MRPS9: variants seen among roughly 807,000 people sequenced by gnomAD.
MRPS9 encodes the protein small ribosomal subunit protein uS9m.
MRPS9 carries 45 observed loss-of-function variants against 59.9 expected under a neutral mutation model. The observed-to-expected ratio is 0.75, with a 90% CI of 0.59 to 0.96. The LOEUF is 0.96. Among genes scored for constraint, MRPS9 ranks in the 40% least tolerant of loss-of-function variants. MRPS9 has a pLI of 0.00. For synonymous variants in MRPS9, 171 were observed against 166.8 expected, an observed-to-expected ratio of 1.03 and a Z score of -0.19; for missense variants, 473 against 481.1, an observed-to-expected ratio of 0.98 and a Z score of 0.16.
chr2:105,067,770 G>A (rs972879267), intron 2 of MRPS9, among the ~76,000 whole-genome samples: 5 of 149,372 alleles, frequency 3.3e-5, no homozygotes, highest in African/African-American at 1.3e-4. Flanking sequence ...GTACATGTGT[G>A]CGTGTGCATG....
chr2:105,097,389 G>T, intron 10 of MRPS9, 65 bp downstream of exon 10: 1 of 1,363,248 alleles, frequency 7.3e-7, no homozygotes, highest in Admixed American at 3.0e-5. Flanking sequence ...TCTGCTTCTT[G>T]TCCTAGTGCC....
chr2:105,091,665 A>G (rs887251661), intron 7 of MRPS9, among the ~76,000 whole-genome samples: 2 of 152,218 alleles, frequency 1.3e-5, no homozygotes, highest in African/African-American at 2.4e-5. Flanking sequence ...TTCACAATCC[A>G]TATTAACTAA....
intron 8 of MRPS9, among the ~76,000 whole-genome samples, 164 bp from the exon 9 acceptor site, chr2:105,093,366 A>G (rs1167670214): frequency 6.6e-6 from 1 of 152,186 alleles, no homozygotes; most frequent in Non-Finnish European, 1.5e-5. Context: ...GTTGTGCTGT[A>G]GTTTACCTGC....
At chr2:105,045,339 T>C (rs1679572928) in intron 1 of MRPS9, among the ~76,000 whole-genome samples, 1 of 148,550 alleles carries the variant, frequency 6.7e-6, no homozygotes, top group Admixed American at 6.6e-5. Flanking sequence ...GAAAACCCAA[T>C]TCTTTTTTTT....
intron 2 of MRPS9, among the ~76,000 whole-genome samples, chr2:105,054,577 G>A (rs528918718): frequency 1.6e-3 from 239 of 151,744 alleles, no homozygotes; most frequent in Middle Eastern, 0.01. Context: ...TAAATATAGC[G>A]GACCCCTTTT....
intron 5 of MRPS9, 97 bp from the exon 6 acceptor site, chr2:105,088,887 G>C: frequency 2.7e-6 from 2 of 728,868 alleles, no homozygotes; most frequent in Non-Finnish European, 4.3e-6. Context: ...GGACACCTTA[G>C]GAAGTACTTA....
intron 5 of MRPS9, among the ~76,000 whole-genome samples, chr2:105,086,811 A>G (rs571189906): frequency 4.8e-4 from 73 of 151,984 alleles, no homozygotes; most frequent in Middle Eastern, 6.8e-3. Flanking sequence ...GAGCACCCCA[A>G]TGGAGCCACA....
intron 1 of MRPS9, among the ~76,000 whole-genome samples, chr2:105,048,501 A>G (rs1003761531): frequency 4.6e-5 from 7 of 151,908 alleles, no homozygotes; most frequent in African/African-American, 1.2e-4. Flanking sequence ...TTAAAGTATA[A>G]TAATAATTTT....
intron 2 of MRPS9, among the ~76,000 whole-genome samples, chr2:105,057,507 G>T (rs887510714): frequency 1.1e-4 from 17 of 152,140 alleles, no homozygotes; most frequent in Admixed American, 1.0e-3. Flanking sequence ...GGAAACTGAA[G>T]AACTAAGCCC....
chr2:105,082,276 C>G (rs534825612), intron 5 of MRPS9, among the ~76,000 whole-genome samples: 1 of 152,292 alleles, frequency 6.6e-6, no homozygotes, highest in Admixed American at 6.5e-5. Context: ...GTAACAGACA[C>G]TAAGCCAAAC....
chr2:105,053,379 A>G (rs781492224), intron 2 of MRPS9, among the ~76,000 whole-genome samples: 7 of 152,228 alleles, frequency 4.6e-5, no homozygotes, highest in Non-Finnish European at 8.8e-5. Flanking sequence ...GCACCGTTGT[A>G]TTCAGATTAA....
chr2:105,040,004 G>A (rs369570405), intron 1 of MRPS9, among the ~76,000 whole-genome samples: 1 of 152,144 alleles, frequency 6.6e-6, no homozygotes, highest in African/African-American at 2.4e-5. Flanking sequence ...GCACTCTTAA[G>A]GGATGGTCCT....
Position 105,099,754 on chromosome 2 carries a change from A to G in MRPS9, c.1184A>G (p.Lys395Arg), listed in dbSNP as rs770892498. Residue 395 changes from lysine (K) to arginine (R), a missense_variant, in exon 11 of 11, where the codon AAA (lysine) becomes AGA (arginine). Transcript: ENST00000258455. ...GCCCGCAGAAAGTTTACGTGGAAGA[A>G]ACGCTAAGGGTTTGCTCCCAGGAAA... is the stretch of plus-strand genomic sequence containing the variant. ...EGARRKFTWK[K>R]R 7 of 1,614,166 alleles carry G rather than the reference A, an allele frequency of 4.3e-6. No homozygotes were observed. In the Admixed American group the frequency reaches 1.2e-4, roughly 27 times the overall value.
intron 1 of MRPS9, among the ~76,000 whole-genome samples, chr2:105,039,317 G>GTTTTTTTT (rs11423412): frequency 2.2e-5 from 3 of 134,358 alleles, no homozygotes; most frequent in Non-Finnish European, 3.2e-5. Flanking sequence ...GTGGACATTT[G>GTTTTTTTT]TTTTTTTTTT....
At chr2:105,099,385 A>G (rs1558765908) in intron 10 of MRPS9, 1 of 257,678 alleles carries the variant, frequency 3.9e-6, no homozygotes, top group Non-Finnish European at 7.5e-6. Context: ...ACTTAGGTTG[A>G]GCAAGCTTAA....
intron 1 of MRPS9, among the ~76,000 whole-genome samples, chr2:105,042,994 G>A (rs755268130): frequency 2.7e-5 from 4 of 149,600 alleles, no homozygotes; most frequent in Non-Finnish European, 5.9e-5. Flanking sequence ...GTAAACCCCA[G>A]ACATTCTGTT....
intron 1 of MRPS9, 28 bp downstream of exon 1, chr2:105,038,255 T>A (rs776822017): frequency 2.5e-6 from 4 of 1,600,678 alleles, no homozygotes; most frequent in East Asian, 2.3e-5. Context: ...TGGAAGCGGC[T>A]TACCTCTGCC....
intron 5 of MRPS9, among the ~76,000 whole-genome samples, chr2:105,082,557 C>T (rs912968701): frequency 2.0e-5 from 3 of 152,212 alleles, no homozygotes; most frequent in Admixed American, 2.0e-4. Context: ...CTGTGTATGA[C>T]ACTTTAGTGA....
In MRPS9 at chr2:105,093,624, G is replaced by A. The variant is rs751354910; in HGVS notation, c.915G>A (p.Pro305=). The change falls in exon 9 of 11, where the codon CCG becomes CCA. Residue 305 remains proline (P), a synonymous_variant. Transcript: ENST00000258455. ...VNGIDYQLYF[P]ITQDREQLMF... Reference sequence around the variant, plus strand: ...GAATTGATTACCAGCTTTACTTCCCGATCACACAGGACAGGTTCGTTTTGG... The same window carrying A: ...GAATTGATTACCAGCTTTACTTCCCAATCACACAGGACAGGTTCGTTTTGG... 3.6e-5 allele frequency: 58 copies of A among 1,598,622 alleles called. No individual in the cohort carries two copies. In the East Asian group the frequency reaches 5.4e-4, roughly 15 times the overall value.
Sources: gnomAD v4.1 joint callset for allele counts (sites outside exome capture counted in the v4.1 genomes callset) on GRCh38, gnomAD v4.1.1 for gene constraint, MANE v1.5 for transcripts, NCBI Gene and HGNC (gene_info 2026-07-23, HGNC 2026-07-21) for gene names.